IMMP1L: variants seen among roughly 807,000 people sequenced by gnomAD.
IMMP1L encodes the protein mitochondrial inner membrane protease subunit 1.
A neutral mutation model predicts 21.8 loss-of-function variants in IMMP1L; 24 were observed. The ratio of observed to expected loss-of-function variants is 1.10; its 90% CI spans 0.80 to 1.55. The LOEUF (loss-of-function observed/expected upper bound fraction) is 1.55. Ranked by LOEUF, IMMP1L falls within the 40% of genes most tolerant of loss-of-function variation. IMMP1L has a pLI of 0.00. For synonymous variants in IMMP1L, 46 were observed against 62.8 expected, an observed-to-expected ratio of 0.73 and a Z score of 1.26; for missense variants, 195 against 200.7, an observed-to-expected ratio of 0.97 and a Z score of 0.17.
chr11:31,495,541 G>A (rs1022333986), intron 1 of IMMP1L, among the ~76,000 whole-genome samples: 4 of 152,176 alleles, frequency 2.6e-5, no homozygotes, highest in South Asian at 2.1e-4. Context: ...GGAAGGCCTC[G>A]GGAAACTTAC....
intron 1 of IMMP1L, among the ~76,000 whole-genome samples, chr11:31,500,712 T>TC (rs920360483): frequency 6.6e-6 from 1 of 152,038 alleles, no homozygotes; most frequent in African/African-American, 2.4e-5. Context: ...CTTTTTTTTT[T>TC]CAACCTAGAG....
intron 4 of IMMP1L, among the ~76,000 whole-genome samples, chr11:31,447,414 G>A (rs534851084): frequency 2.0e-5 from 3 of 152,324 alleles, no homozygotes; most frequent in South Asian, 4.1e-4. Context: ...ACACTGGGAA[G>A]TCAGGTCAAA....
intron 1 of IMMP1L, among the ~76,000 whole-genome samples, chr11:31,493,412 C>T (rs1302074591): frequency 1.3e-5 from 2 of 152,062 alleles, no homozygotes; most frequent in Non-Finnish European, 2.9e-5. Context: ...ATGGGGGTAA[C>T]CCACCCCCGC....
rs557318650 is a variant in IMMP1L, at chr11:31,506,619, G to C, written c.-30+2900C>G. Among the ~76,000 whole-genome samples the C allele has an allele frequency of 5.2e-5, 7 of 135,074 alleles. No homozygotes were observed. In the South Asian group the frequency reaches 1.5e-3, roughly 28 times the overall value. The allele number at this position is 135,074 out of a possible 152,430, so 88.6% of individuals were successfully genotyped here. ...CTCTGCTACTTGCTGGTAAGTTCAAGAATTTGAAATTATTTGGGAGCAAAG... is the reference window on the plus strand; with the variant it reads ...CTCTGCTACTTGCTGGTAAGTTCAACAATTTGAAATTATTTGGGAGCAAAG... On this transcript the variant is annotated intron_variant, in intron 1 of 5. Transcript: ENST00000532287.
chr11:31,442,443 C>A (rs1488214753), intron 4 of IMMP1L, among the ~76,000 whole-genome samples: 1 of 152,160 alleles, frequency 6.6e-6, no homozygotes, highest in African/African-American at 2.4e-5. Context: ...AAACTGTAAT[C>A]AAATTCATTT....
chr11:31,471,603 C>A (rs188826806), intron 1 of IMMP1L, among the ~76,000 whole-genome samples: 43 of 152,084 alleles, frequency 2.8e-4, no homozygotes, highest in Admixed American at 2.6e-3. Context: ...GTACTTCCTC[C>A]AATGTAATAA....
chr11:31,476,490 C>T (rs926860140), intron 1 of IMMP1L, among the ~76,000 whole-genome samples: 1 of 151,852 alleles, frequency 6.6e-6, no homozygotes, highest in Admixed American at 6.6e-5. Flanking sequence ...TAATGGTGTG[C>T]ATCAGGTATA....
intron 1 of IMMP1L, among the ~76,000 whole-genome samples, chr11:31,488,474 A>G (rs1955153989): frequency 6.6e-6 from 1 of 152,220 alleles, no homozygotes; most frequent in African/African-American, 2.4e-5. Flanking sequence ...AGAAGAAAGT[A>G]ATAGCTAATA....
intron 4 of IMMP1L, among the ~76,000 whole-genome samples, chr11:31,438,597 A>G (rs886371240): frequency 1.3e-5 from 2 of 152,134 alleles, no homozygotes; most frequent in African/African-American, 4.8e-5. Context: ...CAGATTATGA[A>G]CATATTATAC....
intron 1 of IMMP1L, among the ~76,000 whole-genome samples, chr11:31,472,098 T>A (rs1024529763): frequency 2.0e-5 from 3 of 152,174 alleles, no homozygotes; most frequent in Non-Finnish European, 4.4e-5. Flanking sequence ...AGGACCCTGG[T>A]GATTACACTG....
At chr11:31,475,732 T>A (rs2133728632) in intron 1 of IMMP1L, among the ~76,000 whole-genome samples, 1 of 152,306 alleles carries the variant, frequency 6.6e-6, no homozygotes, top group Non-Finnish European at 1.5e-5. Context: ...ATATTAAAAT[T>A]CAAATAACCT....
At chr11:31,488,918 G>A (rs997352013) in intron 1 of IMMP1L, among the ~76,000 whole-genome samples, 4 of 150,538 alleles carry the variant, frequency 2.7e-5, no homozygotes, top group Admixed American at 6.6e-5. Flanking sequence ...AATTTTTGAG[G>A]CGGAGTCTCG....
intron 1 of IMMP1L, among the ~76,000 whole-genome samples, chr11:31,474,237 C>T (rs16925646): frequency 0.02 from 3,061 of 152,144 alleles, 90 homozygotes; most frequent in African/African-American, 0.069. Flanking sequence ...GATATATGTC[C>T]ACTTAAGATC....
chr11:31,478,625 T>C (rs959294437), intron 1 of IMMP1L, among the ~76,000 whole-genome samples: 1 of 152,148 alleles, frequency 6.6e-6, no homozygotes, highest in Non-Finnish European at 1.5e-5. Flanking sequence ...ACAGCAGGCA[T>C]TGGCTAATAA....
intron 1 of IMMP1L, among the ~76,000 whole-genome samples, chr11:31,476,187 T>A (rs566920796): frequency 6.6e-6 from 1 of 152,176 alleles, no homozygotes; most frequent in African/African-American, 2.4e-5. Context: ...GCTTTTTTCA[T>A]CATAATAAAA....
chr11:31,490,712 A>C (rs567429619), intron 1 of IMMP1L, among the ~76,000 whole-genome samples: 2 of 152,268 alleles, frequency 1.3e-5, no homozygotes, highest in South Asian at 4.1e-4. Context: ...TGAGTTGAGA[A>C]ATGGTCCCCC....
chr11:31,459,351 T>C (rs998773206), intron 3 of IMMP1L, among the ~76,000 whole-genome samples: 1 of 152,190 alleles, frequency 6.6e-6, no homozygotes. Flanking sequence ...ACCTACTTAA[T>C]ATGCCATAAA....
chr11:31,460,848 G>A, intron 2 of IMMP1L, 134 bp from the exon 3 acceptor site: 1 of 679,470 alleles, frequency 1.5e-6, no homozygotes, highest in Admixed American at 2.8e-5. Context: ...TGAAAATTTG[G>A]CAGTTCTCAA....
chr11:31,452,260 C>A (rs1953781628), intron 4 of IMMP1L: 1 of 984,386 alleles, frequency 1.0e-6, no homozygotes, highest in African/African-American at 1.7e-5. Flanking sequence ...ATGCCTATTT[C>A]ATAGTTATCC....
Sources: allele counts gnomAD v4.1 joint callset (sites outside exome capture counted in the v4.1 genomes callset), GRCh38; gene constraint gnomAD v4.1.1; transcripts MANE v1.5; gene names NCBI Gene and HGNC (gene_info 2026-07-23, HGNC 2026-07-21).